ST3GAL3: variants seen among roughly 807,000 people sequenced by gnomAD.
ST3GAL3 encodes ST3 beta-galactoside alpha-2,3-sialyltransferase 3.
A neutral mutation model predicts 50.1 loss-of-function variants in ST3GAL3; 21 were observed. That is an observed-to-expected ratio of 0.42 (90% CI 0.30 to 0.60). ST3GAL3 has a LOEUF of 0.60. Among genes scored for constraint, ST3GAL3 ranks in the 20% least tolerant of loss-of-function variants. ST3GAL3 has a pLI of 0.19. For missense variants in ST3GAL3, 353 were observed against 489.4 expected (o/e 0.72, Z 2.63); for synonymous variants, 183 against 190.0 (o/e 0.96, Z 0.30).
At chr1:43,829,557 G>C (rs1231979129) in intron 4 of ST3GAL3, among the ~76,000 whole-genome samples, 1 of 152,180 alleles carries the variant, frequency 6.6e-6, no homozygotes, top group African/African-American at 2.4e-5. Context: ...CCTTGTCCTA[G>C]CAGCAAGACC....
At chr1:43,889,337 T>C (rs2076400929) in intron 5 of ST3GAL3, among the ~76,000 whole-genome samples, 1 of 152,102 alleles carries the variant, frequency 6.6e-6, no homozygotes. Context: ...AAAGCTAGAC[T>C]TCTTTGAATG....
At chr1:43,781,870 C>T (rs574906883) in intron 2 of ST3GAL3, among the ~76,000 whole-genome samples, 28 of 152,310 alleles carry the variant, frequency 1.8e-4, no homozygotes, top group African/African-American at 5.8e-4. Context: ...ACTTCTTACT[C>T]TCCCATCCCT....
In ST3GAL3 at chr1:43,731,845, A is replaced by T. The variant is rs79749913; in HGVS notation, c.-30-4388A>T. Among the ~76,000 whole-genome samples, 1,417 of 151,654 alleles carry T rather than the reference A, an allele frequency of 9.3e-3. 21 individuals carry two copies. The highest frequency in any genetic ancestry group is 0.032 in the African/African-American group (1,335 of 41,222). Reference sequence around the variant, plus strand: ...CTATGCCCGGCCCTGACTAATTTTTAAAAAAAATTTTTTGTAGAGACAGGG... The same window carrying T: ...CTATGCCCGGCCCTGACTAATTTTTTAAAAAAATTTTTTGTAGAGACAGGG... On this transcript the variant is annotated intron_variant, in intron 1 of 11. Transcript: ENST00000347631.
At chr1:43,923,345 T>A (rs1233562657) in intron 11 of ST3GAL3, among the ~76,000 whole-genome samples, 1 of 152,122 alleles carries the variant, frequency 6.6e-6, no homozygotes, top group Non-Finnish European at 1.5e-5. Flanking sequence ...TCTAGGAGAT[T>A]TACATCCCTG....
intron 1 of ST3GAL3, among the ~76,000 whole-genome samples, chr1:43,714,347 G>A (rs1173700801): frequency 2.6e-5 from 4 of 151,190 alleles, no homozygotes; most frequent in African/African-American, 7.3e-5. Context: ...TAGCACTTTG[G>A]GAGGCCGAGG....
At chr1:43,761,219 G>A (rs1690208180) in intron 2 of ST3GAL3, among the ~76,000 whole-genome samples, 1 of 152,138 alleles carries the variant, frequency 6.6e-6, no homozygotes, top group African/African-American at 2.4e-5. Context: ...ATTCTTGTAA[G>A]ATTTAATAGT....
intron 2 of ST3GAL3, among the ~76,000 whole-genome samples, chr1:43,749,543 C>T (rs1157651944): frequency 1.3e-5 from 2 of 152,016 alleles, no homozygotes; most frequent in Non-Finnish European, 2.9e-5. Flanking sequence ...TCAAGATCAG[C>T]CTGGACAACA....
chr1:43,832,514 T>C (rs2063677966), intron 4 of ST3GAL3, among the ~76,000 whole-genome samples: 1 of 152,184 alleles, frequency 6.6e-6, no homozygotes, highest in South Asian at 2.1e-4. Context: ...GAGTCAGTGA[T>C]GTCTAGGGTA....
intron 2 of ST3GAL3, among the ~76,000 whole-genome samples, chr1:43,787,875 T>C (rs1196649595): frequency 6.6e-6 from 1 of 152,194 alleles, no homozygotes; most frequent in Non-Finnish European, 1.5e-5. Flanking sequence ...CCATTTAGAC[T>C]GATATTGTTG....
chr1:43,736,219 T>C lies in ST3GAL3; in HGVS notation c.-30-14T>C, dbSNP rs746237219. The C allele has an allele frequency of 2.4e-5, 38 of 1,612,730 alleles. No individual in the cohort carries two copies. Among genetic ancestry groups the C allele is most frequent in the Non-Finnish European group, 3.0e-5 (35 of 1,178,716 alleles). The stretch of plus-strand genomic sequence containing the variant: ...GTGCTTTGTCTTTTAAGAACTAAAC[T>C]TTTTCTTTTCTAGGTCATTTAGGAA... On this transcript the variant is annotated splice_polypyrimidine_tract_variant and intron_variant, in intron 1 of 11. Coordinates refer to ENST00000347631, the MANE Select transcript of ST3GAL3 (RefSeq NM_006279.5).
At chr1:43,746,752 G>A (rs1269973443) in intron 2 of ST3GAL3, among the ~76,000 whole-genome samples, 1 of 148,298 alleles carries the variant, frequency 6.7e-6, no homozygotes, top group East Asian at 2.0e-4. Context: ...GTGAGCCACT[G>A]CGCCTGGCCT....
intron 2 of ST3GAL3, among the ~76,000 whole-genome samples, chr1:43,766,011 G>A (rs565631917): frequency 1.3e-5 from 2 of 152,172 alleles, no homozygotes; most frequent in African/African-American, 4.8e-5. Context: ...GAAGAGACAG[G>A]TCTCTTCACT....
intron 1 of ST3GAL3, chr1:43,709,308 A>T (rs921545688): frequency 6.6e-6 from 1 of 152,276 alleles, no homozygotes; most frequent in African/African-American, 2.4e-5. Context: ...AAGAGTAAAC[A>T]AGTAATAGAA....
intron 2 of ST3GAL3, among the ~76,000 whole-genome samples, chr1:43,757,087 T>C (rs1454123557): frequency 1.3e-5 from 2 of 151,986 alleles, no homozygotes; most frequent in Non-Finnish European, 2.9e-5. Context: ...ATATTTTTAG[T>C]AGAGATGGGG....
At chr1:43,767,390 A>G (rs1461297980) in intron 2 of ST3GAL3, among the ~76,000 whole-genome samples, 5 of 152,046 alleles carry the variant, frequency 3.3e-5, no homozygotes, top group African/African-American at 9.7e-5. Context: ...TCAGGTCACA[A>G]AGGTCCTTCT....
chr1:43,886,437 T>C (rs752931591), intron 5 of ST3GAL3, among the ~76,000 whole-genome samples: 57 of 152,182 alleles, frequency 3.7e-4, no homozygotes, highest in East Asian at 5.8e-4. Flanking sequence ...ATTACCCTGA[T>C]TGGATCACAA....
intron 4 of ST3GAL3, among the ~76,000 whole-genome samples, chr1:43,826,295 A>G (rs1303123320): frequency 6.6e-6 from 1 of 152,162 alleles, no homozygotes; most frequent in Non-Finnish European, 1.5e-5. Context: ...AACATTGTGA[A>G]CAACTCTGTA....
intron 5 of ST3GAL3, among the ~76,000 whole-genome samples, chr1:43,876,399 A>C (rs1026722393): frequency 3.3e-5 from 5 of 152,200 alleles, no homozygotes; most frequent in Admixed American, 1.3e-4. Context: ...AGACTGGAAG[A>C]AAAGCAGCTC....
intron 3 of ST3GAL3, among the ~76,000 whole-genome samples, chr1:43,802,386 G>T (rs1037079974): frequency 6.6e-6 from 1 of 152,192 alleles, no homozygotes; most frequent in Non-Finnish European, 1.5e-5. Context: ...AATTTCTTCA[G>T]TTAGAACAAA....
Sources: gnomAD v4.1 joint callset for allele counts (sites outside exome capture counted in the v4.1 genomes callset) on GRCh38, gnomAD v4.1.1 for gene constraint, MANE v1.5 for transcripts, NCBI Gene and HGNC (gene_info 2026-07-23, HGNC 2026-07-21) for gene names.